The following STAT3 variants were observed in gnomAD, a reference collection of about 807,000 sequenced individuals.
The protein encoded by STAT3 is signal transducer and activator of transcription 3.
STAT3 carries 7 observed loss-of-function variants against 114.3 expected under a neutral mutation model. That is an observed-to-expected ratio of 0.06 (90% CI 0.03 to 0.11). The LOEUF (loss-of-function observed/expected upper bound fraction) is 0.11, where lower values mean the gene tolerates loss of function less well. STAT3 is among the 10% of genes least tolerant of loss of function. The probability of loss-of-function intolerance (pLI) is 1.00; values close to 1 mark genes in which losing one functional copy is unlikely to be tolerated. For missense variants in STAT3, 364 were observed against 960.9 expected (o/e 0.38, Z 8.21); for synonymous variants, 331 against 354.5 (o/e 0.93, Z 0.74).
chr17:42,351,535 C>T (rs995210639), intron 1 of STAT3, among the ~76,000 whole-genome samples: 6 of 152,074 alleles, frequency 3.9e-5, no homozygotes, highest in Non-Finnish European at 7.4e-5. Flanking sequence ...CCCACAAAAA[C>T]TATTAATGAG....
chr17:42,338,667 G>T, intron 6 of STAT3, 64 bp downstream of exon 6: 1 of 1,482,608 alleles, frequency 6.7e-7, no homozygotes, highest in Non-Finnish European at 9.4e-7. Context: ...AGACAAATGA[G>T]TCTTTCAACT....
At chr17:42,329,315 T>G (rs1306619709) in intron 14 of STAT3, 95 bp downstream of exon 14, 1 of 1,561,098 alleles carries the variant, frequency 6.4e-7, no homozygotes. Context: ...AAAGAACAGG[T>G]TGATGTTTCT....
In STAT3 at chr17:42,322,351, G is replaced by C; in HGVS notation, c.2032C>G (p.Pro678Ala). Residue 678 changes from proline to alanine, a missense_variant, in exon 21 of 24, where the codon CCC (proline) becomes GCC (alanine). Pro to Ala is a conservative substitution (Grantham distance 27, BLOSUM62 -1). Transcript: ENST00000264657. ...TACTTTCCGAATGCCTCCTCCTTGG[G>C]AATGTCAGGATAGAGATAGACCAGT... Reference protein sequence around the residue: ...SPLVYLYPDIPKEEAFGKYCR... With the variant: ...SPLVYLYPDIAKEEAFGKYCR... 6.2e-7 allele frequency: 1 copy of C among 1,614,210 alleles called. No homozygotes were observed. Among genetic ancestry groups the C allele is most frequent in the Non-Finnish European group, 8.5e-7 (1 of 1,180,042 alleles).
chr17:42,364,381 C>T (rs1598484739), intron 1 of STAT3, among the ~76,000 whole-genome samples: 1 of 152,148 alleles, frequency 6.6e-6, no homozygotes, highest in African/African-American at 2.4e-5. Context: ...TGAGCAAGCA[C>T]ATTGTCATGT....
intron 22 of STAT3, 118 bp downstream of exon 22, chr17:42,317,064 T>C (rs2081282603): frequency 6.3e-7 from 1 of 1,579,772 alleles, no homozygotes; most frequent in Non-Finnish European, 8.6e-7. Flanking sequence ...CTTTGAGTAC[T>C]AAACATAGCC....
In STAT3 at chr17:42,324,865, T is replaced by C. The variant is rs200715116; in HGVS notation, c.1465-19A>G. 5.6e-6 allele frequency: 9 copies of C among 1,614,060 alleles called. No homozygotes were observed. In the African/African-American group the frequency reaches 1.2e-4, roughly 22 times the overall value. On this transcript the variant is annotated intron_variant, in intron 16 of 23. Coordinates refer to ENST00000264657, the MANE Select transcript of STAT3 (RefSeq NM_139276.3). This position sits in a 1 kb window ranked among gnomAD's most constrained non-coding sequence, Gnocchi z 4.5. Reference sequence around the variant, plus strand: ...TTACATTCTATTGGAAAGAACACATTTGCTTGTTTAGATGAGGGATGGTGC... The same window carrying C: ...TTACATTCTATTGGAAAGAACACATCTGCTTGTTTAGATGAGGGATGGTGC...
Position 42,315,615 on chromosome 17 carries a change from G to A in STAT3, c.*130C>T. 1.1e-6 allele frequency: 1 copy of A among 897,564 alleles called. No homozygotes were observed. Among genetic ancestry groups the A allele is most frequent in the South Asian group, 1.4e-5 (1 of 73,558 alleles). 55.6% of individuals were successfully genotyped at this position (897,564 alleles called of 1,614,324 possible). On this transcript the variant is annotated 3_prime_UTR_variant, in exon 24 of 24. Transcript: ENST00000264657. ...AGATTGCTCAAAGATAGCAGAAGTA[G>A]GAGATTAAAAAAAATCTGGAACCAC...
chr17:42,324,953 G>A lies in STAT3; in HGVS notation c.1464+10C>T. On this transcript the variant is annotated intron_variant, in intron 16 of 23. Transcript: ENST00000264657. This position sits in a 1 kb window ranked among gnomAD's most constrained non-coding sequence, Gnocchi z 4.5. Reference sequence around the variant, plus strand: ...TCCCGGGGCACCAACTAAAAGGAGGGGGCACTAACCTTGGGATTGTTGGTC... The same window carrying A: ...TCCCGGGGCACCAACTAAAAGGAGGAGGCACTAACCTTGGGATTGTTGGTC... The A allele has an allele frequency of 3.7e-6, 6 of 1,614,142 alleles. No individual in the cohort carries two copies. The highest frequency in any genetic ancestry group is 5.1e-6 in the Non-Finnish European group (6 of 1,180,020).
intron 5 of STAT3, 115 bp from the exon 6 acceptor site, chr17:42,338,927 T>G (rs1000379861): frequency 4.5e-6 from 4 of 881,658 alleles, no homozygotes; most frequent in Non-Finnish European, 7.2e-6. Flanking sequence ...AAAAGATACA[T>G]GCAGGACCTG....
intron 4 of STAT3, among the ~76,000 whole-genome samples, chr17:42,344,509 G>C (rs1044983901): frequency 6.6e-6 from 1 of 151,172 alleles, no homozygotes; most frequent in Non-Finnish European, 1.5e-5. Flanking sequence ...GAAGTCAGGA[G>C]ATCAAGACCA....
chr17:42,345,535 G>T (rs1479356721), intron 4 of STAT3, 24 bp downstream of exon 4: 1 of 1,577,628 alleles, frequency 6.3e-7, no homozygotes, highest in African/African-American at 1.4e-5. Flanking sequence ...CCAGACCAGG[G>T]ATTTGTTTTG....
At chr17:42,361,102 T>TA (rs2083485520) in intron 1 of STAT3, among the ~76,000 whole-genome samples, 1 of 152,106 alleles carries the variant, frequency 6.6e-6, no homozygotes, top group Non-Finnish European at 1.5e-5. Flanking sequence ...TGGCTGACAC[T>TA]AAAAAATATA....
Position 42,346,606 on chromosome 17 carries a change from T to A in STAT3, c.236A>T (p.Tyr79Phe). Reference sequence around the variant, plus strand: ...CTTGATTCTTCGTAGATTGTGCTGATAGAGAACATTCGACTCTTGCAGGAA... The same window carrying A: ...CTTGATTCTTCGTAGATTGTGCTGAAAGAGAACATTCGACTCTTGCAGGAA... ...SRFLQESNVL[Y>F]QHNLRRIKQF... is the part of the protein sequence containing the mutation. Residue 79 changes from tyrosine (Y) to phenylalanine (F), a missense_variant, in exon 3 of 24, where the codon TAT becomes TTT. This residue lies in a region of STAT3 where 294 missense variants were observed against 745.1 expected (regional missense o/e 0.39). Transcript: ENST00000264657. 6.2e-7 allele frequency: 1 copy of A among 1,614,186 alleles called. No individual in the cohort carries two copies. The highest frequency in any genetic ancestry group is 8.5e-7 in the Non-Finnish European group (1 of 1,180,030).
chr17:42,370,263 T>G (rs76943037), intron 1 of STAT3, among the ~76,000 whole-genome samples: 1 of 151,336 alleles, frequency 6.6e-6, no homozygotes, highest in African/African-American at 2.4e-5. Context: ...TTTTTTTTTT[T>G]GAGACAGAGT....
chr17:42,355,874 T>C (rs976982425), intron 1 of STAT3, among the ~76,000 whole-genome samples: 6 of 152,164 alleles, frequency 3.9e-5, no homozygotes, highest in African/African-American at 1.4e-4. Context: ...CATGCACTAG[T>C]GGATTTACAA....
intron 21 of STAT3, among the ~76,000 whole-genome samples, chr17:42,318,563 T>G (rs1042085725): frequency 6.6e-6 from 1 of 152,214 alleles, no homozygotes; most frequent in Non-Finnish European, 1.5e-5. Context: ...GGGAATAAAA[T>G]GAATTTTAGA....
intron 1 of STAT3, among the ~76,000 whole-genome samples, chr17:42,370,481 G>A (rs1051545887): frequency 6.6e-6 from 1 of 150,954 alleles, no homozygotes; most frequent in African/African-American, 2.4e-5. Context: ...CCTGACCTCG[G>A]GTGATCTGCC....
At chr17:42,381,728 T>C (rs1224495120) in intron 1 of STAT3, among the ~76,000 whole-genome samples, 1 of 123,970 alleles carries the variant, frequency 8.1e-6, no homozygotes, top group Non-Finnish European at 1.6e-5. Flanking sequence ...CGAGACTCCA[T>C]CTCAAAAAAA....
At chr17:42,372,958 C>T (rs867285550) in intron 1 of STAT3, among the ~76,000 whole-genome samples, 1 of 152,114 alleles carries the variant, frequency 6.6e-6, no homozygotes, top group African/African-American at 2.4e-5. Flanking sequence ...TATACTAATG[C>T]AAGATGTTAA....
Sources: gnomAD v4.1 joint callset for allele counts (sites outside exome capture counted in the v4.1 genomes callset) on GRCh38, gnomAD v4.1.1 for gene constraint, gnomAD v4.1.1 regional missense constraint, Gnocchi (gnomAD v3.1) non-coding constraint, MANE v1.5 for transcripts, NCBI Gene and HGNC (gene_info 2026-07-23, HGNC 2026-07-21) for gene names.